The following LRRIQ1 variants were observed in gnomAD, a reference collection of about 807,000 sequenced individuals.
LRRIQ1 encodes leucine rich repeats and IQ motif containing 1.
LRRIQ1 carries 210 observed loss-of-function variants against 211.9 expected under a neutral mutation model. That is an observed-to-expected ratio of 0.99 (90% CI 0.89 to 1.11). The LOEUF is 1.11. Ranked by LOEUF, LRRIQ1 falls within the 50% of genes most tolerant of loss-of-function variation. LRRIQ1 has a pLI of 0.00. For synonymous variants in LRRIQ1, 699 were observed against 650.1 expected (o/e 1.08, Z -1.14); for missense variants, 2,136 against 1,939.5 (o/e 1.10, Z -1.90).
At position 85,057,173 on chromosome 12, in the gene LRRIQ1, A is replaced by G. The variant is rs1881219083; in HGVS notation, c.2380A>G (p.Thr794Ala). Residue 794 changes from threonine (T) to alanine (A), a missense_variant, in exon 8 of 27, where the codon ACT becomes GCT. Coordinates refer to ENST00000393217, the MANE Select transcript of LRRIQ1 (RefSeq NM_001079910.2). ...LEILRCGPWD[T>A]LQQVTTVTFQ... is the part of the protein sequence containing the mutation. The stretch of plus-strand genomic sequence containing the variant: ...AATTCTTCGATGTGGCCCTTGGGAT[A>G]CTTTACAGCAGGTATTTCTAATTTT... 6.9e-7 allele frequency: 1 copy of G among 1,459,088 alleles called. No individual in the cohort carries two copies. Among genetic ancestry groups the G allele is most frequent in the Non-Finnish European group, 9.1e-7 (1 of 1,097,140 alleles). 90.4% of individuals were successfully genotyped at this position (1,459,088 alleles called of 1,614,324 possible).
At chr12:85,241,917 C>A (rs1198573109) in intron 26 of LRRIQ1, among the ~76,000 whole-genome samples, 1 of 151,744 alleles carries the variant, frequency 6.6e-6, no homozygotes, top group Non-Finnish European at 1.5e-5. Context: ...ATTAAGTTGC[C>A]AAAGTTGGAG....
intron 11 of LRRIQ1, among the ~76,000 whole-genome samples, chr12:85,094,677 A>T (rs572190036): frequency 6.7e-4 from 102 of 152,206 alleles, no homozygotes; most frequent in Non-Finnish European, 1.0e-3. Context: ...TGGTAGAAAT[A>T]GTGTTATATC....
chr12:85,251,777 CAA>C (rs11415458), intron 1 of LRRIQ1, among the ~76,000 whole-genome samples: 3 of 116,896 alleles, frequency 2.6e-5, no homozygotes. Flanking sequence ...AGAAGTGGCG[CAA>C]AAAAAAAAAA....
intron 24 of LRRIQ1, among the ~76,000 whole-genome samples, chr12:85,166,415 G>T (rs1891158673): frequency 6.6e-6 from 1 of 151,990 alleles, no homozygotes; most frequent in African/African-American, 2.4e-5. Context: ...GATAACTCAT[G>T]GTTTTATAAA....
chr12:85,040,666 GTAAAC>G (rs773205215), intron 3 of LRRIQ1, 65 bp downstream of exon 3: 1 of 905,444 alleles, frequency 1.1e-6, no homozygotes, highest in Admixed American at 2.2e-5. Flanking sequence ...TTATAATTTA[GTAAAC>G]TAAAGTGCTT....
chr12:85,081,332 A>T (rs1884260515), intron 11 of LRRIQ1, among the ~76,000 whole-genome samples: 1 of 152,084 alleles, frequency 6.6e-6, no homozygotes, highest in Non-Finnish European at 1.5e-5. Flanking sequence ...CAGTTTTTCT[A>T]CTTCTCAACA....
chr12:85,203,843 T>C (rs1052570673), intron 24 of LRRIQ1, among the ~76,000 whole-genome samples: 1 of 151,968 alleles, frequency 6.6e-6, no homozygotes, highest in African/African-American at 2.4e-5. Flanking sequence ...GACAATGCAA[T>C]AGAAAAGAAA....
chr12:85,070,734 A>G (rs568258528), intron 10 of LRRIQ1, among the ~76,000 whole-genome samples: 2 of 152,096 alleles, frequency 1.3e-5, no homozygotes, highest in African/African-American at 2.4e-5. Flanking sequence ...AATTGAGGAT[A>G]GCAAATATGC....
In LRRIQ1 at chr12:85,153,114, T is replaced by C; in HGVS notation, c.4510T>C (p.Ser1504Pro). ...GTTATGTAATGACAAAGAAAATTTGTCTTCTTCAGAACACACACAATTTAA... is the reference window on the plus strand; with the variant it reads ...GTTATGTAATGACAAAGAAAATTTGCCTTCTTCAGAACACACACAATTTAA... ...AWLCNDKENL[S>P]SSEHTQFNSR... The change falls in exon 21 of 27, where the codon TCT (serine) becomes CCT (proline). Residue 1504 changes from serine (S) to proline (P), a missense_variant. Coordinates refer to ENST00000393217, the MANE Select transcript of LRRIQ1 (RefSeq NM_001079910.2). 1.3e-6 allele frequency: 2 copies of C among 1,588,750 alleles called. No individual in the cohort carries two copies. The highest frequency in any genetic ancestry group is 1.7e-6 in the Non-Finnish European group (2 of 1,167,650).
chr12:85,096,709 C>T (rs922641291), intron 11 of LRRIQ1, among the ~76,000 whole-genome samples: 5 of 152,100 alleles, frequency 3.3e-5, no homozygotes, highest in African/African-American at 1.2e-4. Flanking sequence ...TCTAGAATTT[C>T]TTTGTTGGTT....
chr12:85,214,554 A>C (rs1286343100), intron 24 of LRRIQ1, among the ~76,000 whole-genome samples: 1 of 151,986 alleles, frequency 6.6e-6, no homozygotes, highest in Non-Finnish European at 1.5e-5. Context: ...AGGATATAGA[A>C]AACAGCAGCG....
At chr12:85,076,924 A>G (rs1410543349) in intron 11 of LRRIQ1, among the ~76,000 whole-genome samples, 3 of 152,058 alleles carry the variant, frequency 2.0e-5, no homozygotes, top group East Asian at 1.9e-4. Flanking sequence ...AAAAACACCC[A>G]CATAGTTTTC....
intron 2 of LRRIQ1, 63 bp downstream of exon 2, chr12:85,038,371 C>T: frequency 1.5e-6 from 2 of 1,294,774 alleles, no homozygotes; most frequent in African/African-American, 1.5e-5. Flanking sequence ...TATTACTTTT[C>T]TCAGGATGTT....
chr12:85,147,709 AT>A (rs71445024), intron 19 of LRRIQ1, among the ~76,000 whole-genome samples: 76,444 of 145,796 alleles, frequency 0.52, 20,124 homozygotes, highest in African/African-American at 0.63. Context: ...GATAGCTGCT[AT>A]TTTTTTTTTT....
At chr12:85,137,199 T>G (rs1440523306) in intron 18 of LRRIQ1, among the ~76,000 whole-genome samples, 1 of 151,192 alleles carries the variant, frequency 6.6e-6, no homozygotes, top group African/African-American at 2.4e-5. Context: ...TCTCCCTTGG[T>G]TTTTACACAG....
rs745735652 is a variant in LRRIQ1, at chr12:85,098,873, T to A, written c.3088T>A (p.Ser1030Thr). The A allele has an allele frequency of 8.3e-6, 13 of 1,559,940 alleles. No individual in the cohort carries two copies. The highest frequency in any genetic ancestry group is 3.4e-4 in the Middle Eastern group (2 of 5,904). ...LQGNYLSELP[S>T]LENLVLLREL... ...GAACCAAATTTAAATATAGCTTCCA[T>A]CCTTGGAGAATCTTGTTTTACTAAG... is the stretch of plus-strand genomic sequence containing the variant. Residue 1030 changes from serine to threonine, a missense_variant, in exon 13 of 27, where the codon TCC becomes ACC. Transcript: ENST00000393217.
chr12:85,224,208 A>T (rs1376960486), intron 24 of LRRIQ1, among the ~76,000 whole-genome samples: 1 of 152,176 alleles, frequency 6.6e-6, no homozygotes, highest in East Asian at 1.9e-4. Context: ...ATACCATCTC[A>T]CACCAGTTAG....
At chr12:85,039,401 AT>A (rs1414740895) in intron 2 of LRRIQ1, among the ~76,000 whole-genome samples, 1 of 151,644 alleles carries the variant, frequency 6.6e-6, no homozygotes, top group Non-Finnish European at 1.5e-5. Context: ...TTAGAATTCT[AT>A]TTCTTAGTTA....
intron 24 of LRRIQ1, among the ~76,000 whole-genome samples, chr12:85,172,174 G>C (rs1167201891): frequency 6.6e-6 from 1 of 152,082 alleles, no homozygotes; most frequent in Non-Finnish European, 1.5e-5. Flanking sequence ...GGGAAGAATA[G>C]TAACTTTGGT....
Sources: gnomAD v4.1 joint callset for allele counts (sites outside exome capture counted in the v4.1 genomes callset) on GRCh38, gnomAD v4.1.1 for gene constraint, MANE v1.5 for transcripts, NCBI Gene and HGNC (gene_info 2026-07-23, HGNC 2026-07-21) for gene names.